The following OR8B3 variants were observed in gnomAD, a reference collection of about 807,000 sequenced individuals.
The protein encoded by OR8B3 is olfactory receptor 8B3.
For missense variants in OR8B3, 278 were observed against 377.6 expected (o/e 0.74, Z 2.19); for synonymous variants, 102 against 135.4 (o/e 0.75, Z 1.71).
At chr11:124,405,498 G>A in the OR8B3 span, among the ~76,000 whole-genome samples, 1 of 152,180 alleles carries the variant, frequency 6.6e-6, no homozygotes, top group Non-Finnish European at 1.5e-5. Context: ...TTTTCCTAGA[G>A]ACCCTACCAG....
upstream of OR8B3, among the ~76,000 whole-genome samples, chr11:124,402,951 G>A (rs1861020047): frequency 6.6e-6 from 1 of 152,212 alleles, no homozygotes; most frequent in African/African-American, 2.4e-5. Flanking sequence ...AAGGTCCCTG[G>A]TTTTCCTAGG....
the OR8B3 span, among the ~76,000 whole-genome samples, chr11:124,406,111 A>G: frequency 1.8e-4 from 28 of 152,120 alleles, no homozygotes; most frequent in African/African-American, 6.5e-4. Context: ...ACCATATGTG[A>G]TTGTGGATTT....
rs1031742564 is a variant in OR8B3 at position 124,398,923 on chromosome 11, G to A, written c.-251C>T. 3 of 152,124 alleles carry A rather than the reference G, an allele frequency of 2.0e-5. No homozygotes were observed. Among genetic ancestry groups the A allele is most frequent in the African/African-American group, 7.2e-5 (3 of 41,422 alleles). 9.4% of individuals were successfully genotyped at this position (152,124 alleles called of 1,614,324 possible). A position where few individuals can be genotyped will look rare whatever the true frequency, so the allele number is the denominator to read the frequency against. On this transcript the variant is annotated 5_prime_UTR_variant, in exon 1 of 2. Transcript: ENST00000641139. Reference sequence around the variant, plus strand: ...TATAAATTTGCCAAGAGGGTTTGTTGGAAAACTGCACTTCAAACCAGAGCT... The same window carrying A: ...TATAAATTTGCCAAGAGGGTTTGTTAGAAAACTGCACTTCAAACCAGAGCT...
At chr11:124,406,467 A>G in the OR8B3 span, among the ~76,000 whole-genome samples, 1 of 152,052 alleles carries the variant, frequency 6.6e-6, no homozygotes, top group Non-Finnish European at 1.5e-5. Flanking sequence ...TTTTATGTGT[A>G]TTTATGTGCC....
chr11:124,404,459 T>C, the OR8B3 span: 4 of 152,062 alleles, frequency 2.6e-5, no homozygotes, highest in Non-Finnish European at 5.9e-5. Context: ...ATTTGTGATA[T>C]AAATAACTTA....
chr11:124,405,692 A>G, the OR8B3 span, among the ~76,000 whole-genome samples: 1 of 152,188 alleles, frequency 6.6e-6, no homozygotes, highest in African/African-American at 2.4e-5. Context: ...AAGCAGTAAA[A>G]CAACTTTAGA....
chr11:124,401,139 A>T (rs1860987224), upstream of OR8B3, among the ~76,000 whole-genome samples: 1 of 151,982 alleles, frequency 6.6e-6, no homozygotes. Flanking sequence ...ATGATTCTAG[A>T]GGTTGGGAAA....
At chr11:124,402,215 G>T (rs936922861), upstream of OR8B3, among the ~76,000 whole-genome samples, 2 of 152,132 alleles carry the variant, frequency 1.3e-5, no homozygotes, top group African/African-American at 4.8e-5. Flanking sequence ...TAACAAAGAT[G>T]TACAACAGTA....
Position 124,395,582 on chromosome 11 carries a change from C to T in OR8B3, c.*828G>A, listed in dbSNP as rs1454534928. 1 of 152,074 alleles carries T rather than the reference C, an allele frequency of 6.6e-6. No homozygotes were observed. Among genetic ancestry groups the T allele is most frequent in the East Asian group, 1.9e-4 (1 of 5,198 alleles). 9.4% of individuals were successfully genotyped at this position (152,074 alleles called of 1,614,324 possible). The stretch of plus-strand genomic sequence containing the variant: ...TGCTAACTTAATGTGCAGTATTTAC[C>T]TATAACGAGTAAAAAAATAACATTT... On this transcript the variant is annotated 3_prime_UTR_variant, in exon 2 of 2. Coordinates refer to ENST00000641139, the MANE Select transcript of OR8B3 (RefSeq NM_001005467.2).
At chr11:124,406,793 CCACACACACA>C in the OR8B3 span, among the ~76,000 whole-genome samples, 14,108 of 145,168 alleles carry the variant, frequency 0.097, 737 homozygotes, top group East Asian at 0.18. Context: ...CTCCTTCTCA[CCACACACACA>C]CACACACACA....
upstream of OR8B3, among the ~76,000 whole-genome samples, chr11:124,399,922 G>T (rs1860962146): frequency 6.8e-5 from 10 of 148,078 alleles, no homozygotes; most frequent in Middle Eastern, 3.4e-3. Flanking sequence ...CTGCTTTGCT[G>T]CAATCACAGC....
chr11:124,404,225 T>C, the OR8B3 span: 12 of 152,328 alleles, frequency 7.9e-5, no homozygotes, highest in African/African-American at 2.2e-4. Flanking sequence ...ATACGTTCTA[T>C]AGCTGTTCTT....
At chr11:124,403,762 G>A (rs1591439122), upstream of OR8B3, among the ~76,000 whole-genome samples, 1 of 152,154 alleles carries the variant, frequency 6.6e-6, no homozygotes, top group East Asian at 1.9e-4. Context: ...CAAGGCAGGC[G>A]GCTGGGAGGT....
chr11:124,408,831 A>G, the OR8B3 span, among the ~76,000 whole-genome samples: 1 of 152,190 alleles, frequency 6.6e-6, no homozygotes, highest in Non-Finnish European at 1.5e-5. Flanking sequence ...ACTCAATGTC[A>G]CCACCCCTTT....
At chr11:124,402,547 G>C (rs1363212799), upstream of OR8B3, among the ~76,000 whole-genome samples, 3 of 152,242 alleles carry the variant, frequency 2.0e-5, no homozygotes, top group Admixed American at 6.5e-5. Context: ...CAGACTGCAC[G>C]GTGCATGCCA....
the OR8B3 span, among the ~76,000 whole-genome samples, chr11:124,407,823 T>C: frequency 2.0e-5 from 3 of 152,156 alleles, no homozygotes; most frequent in Admixed American, 6.5e-5. Context: ...TTTCTGAGAA[T>C]TTTGAACATA....
At chr11:124,401,202 A>T (rs1340606393), upstream of OR8B3, among the ~76,000 whole-genome samples, 1 of 113,710 alleles carries the variant, frequency 8.8e-6, no homozygotes, top group African/African-American at 3.6e-5. Context: ...GTATTATCAC[A>T]TAGGGGAAAT....
rs1860876154 is a variant in OR8B3 at position 124,396,561 on chromosome 11, G to A, written c.791C>T (p.Ser264Phe). Residue 264 changes from serine to phenylalanine, a missense_variant, in exon 2 of 2, where the codon TCT becomes TTT. Coordinates refer to ENST00000641139, the MANE Select transcript of OR8B3 (RefSeq NM_001005467.2). ...AACTTTTCCCTGCTCCATAGATCCA[G>A]AAGAATATTTAATATACATGAATGC... ...SAAFMYIKYS[S>F]GSMEQGKVSS... 6.2e-7 allele frequency: 1 copy of A among 1,613,464 alleles called. No homozygotes were observed. Among genetic ancestry groups the A allele is most frequent in the African/African-American group, 1.3e-5 (1 of 74,792 alleles).
chr11:124,402,508 G>C (rs1474628935), upstream of OR8B3, among the ~76,000 whole-genome samples: 1 of 152,152 alleles, frequency 6.6e-6, no homozygotes, highest in Admixed American at 6.5e-5. Context: ...TCCTCCACCA[G>C]GGGGTGCTGG....
Sources: gnomAD v4.1 joint callset for allele counts (sites outside exome capture counted in the v4.1 genomes callset) on GRCh38, gnomAD v4.1.1 for gene constraint, MANE v1.5 for transcripts, NCBI Gene and HGNC (gene_info 2026-07-23, HGNC 2026-07-21) for gene names.